SDK1: variants seen among roughly 807,000 people sequenced by gnomAD.
SDK1 encodes protein sidekick-1.
Under a neutral mutation model 245.5 loss-of-function variants are expected in SDK1, and 157 were observed. The observed-to-expected ratio is 0.64, with a 90% CI of 0.56 to 0.73. The LOEUF (loss-of-function observed/expected upper bound fraction) is 0.73, where lower values mean the gene tolerates loss of function less well. Among genes scored for constraint, SDK1 ranks in the 30% least tolerant of loss-of-function variants. The probability of loss-of-function intolerance (pLI) is 0.00; values close to 1 mark genes in which losing one functional copy is unlikely to be tolerated. For missense variants in SDK1, 3,583 were observed against 3,002.3 expected (o/e 1.19, Z -4.52); for synonymous variants, 1,647 against 1,278.5 (o/e 1.29, Z -6.15).
intron 1 of SDK1, among the ~76,000 whole-genome samples, chr7:3,309,237 G>GA (rs1418121125): frequency 6.6e-6 from 1 of 152,094 alleles, no homozygotes; most frequent in African/African-American, 2.4e-5. Context: ...CAAAAAGAAT[G>GA]AAAGAGATTT....
At position 3,946,913 on chromosome 7, in the gene SDK1, C is replaced by T. The variant is rs562651244; in HGVS notation, c.848-4010C>T. ...ATGCAGCCATTTTTGCCACTCACACCAGAGGCGTGCTTTTCTCTATTTAGC... is the reference window on the plus strand; with the variant it reads ...ATGCAGCCATTTTTGCCACTCACACTAGAGGCGTGCTTTTCTCTATTTAGC... On this transcript the variant is annotated intron_variant, in intron 5 of 44. Transcript: ENST00000404826. 1.1e-4 allele frequency among the ~76,000 whole-genome samples: 16 copies of T among 152,312 alleles called. No individual in the cohort carries two copies. In the South Asian group the frequency reaches 3.3e-3, roughly 32 times the overall value.
At chr7:4,180,391 ATGCCCAGCGCCT>A (rs1782531391) in intron 35 of SDK1, among the ~76,000 whole-genome samples, 1 of 148,922 alleles carries the variant, frequency 6.7e-6, no homozygotes, top group African/African-American at 2.5e-5. Context: ...CTCCAGCTCT[ATGCCCAGCGCCT>A]GGCTCCAGCT....
At chr7:3,371,295 A>C (rs1583758311) in intron 1 of SDK1, among the ~76,000 whole-genome samples, 2 of 152,108 alleles carry the variant, frequency 1.3e-5, no homozygotes, top group African/African-American at 4.8e-5. Context: ...GGAACATTAG[A>C]TCTAGATGGG....
At chr7:3,730,666 C>G (rs948303915) in intron 4 of SDK1, among the ~76,000 whole-genome samples, 2 of 152,106 alleles carry the variant, frequency 1.3e-5, no homozygotes, top group Non-Finnish European at 2.9e-5. Flanking sequence ...GGTTCCAGAT[C>G]TTAGATCAGT....
rs1788596119 is a variant in SDK1, at chr7:4,268,336, G to C, written c.*2952G>C. The stretch of plus-strand genomic sequence containing the variant: ...GAGATTCCAGGCAGGTGAGCCCAGA[G>C]AGAGCTGCCAGGCCACACCCCCTCG... On this transcript the variant is annotated 3_prime_UTR_variant, in exon 45 of 45. Transcript: ENST00000404826. 9.6e-7 allele frequency: 1 copy of C among 1,039,752 alleles called. No individual in the cohort carries two copies. The highest frequency in any genetic ancestry group is 1.2e-6 in the Non-Finnish European group (1 of 861,312). The allele number at this position is 1,039,752 out of a possible 1,614,324, so 64.4% of individuals were successfully genotyped here. A position where few individuals can be genotyped will look rare whatever the true frequency, so the allele number is the denominator to read the frequency against.
intron 1 of SDK1, among the ~76,000 whole-genome samples, chr7:3,421,939 G>A (rs537972658): frequency 2.0e-5 from 3 of 152,142 alleles, no homozygotes; most frequent in African/African-American, 7.2e-5. Context: ...GGAGGCTTAG[G>A]CGGGCATATA....
intron 22 of SDK1, among the ~76,000 whole-genome samples, chr7:4,089,843 T>C (rs1234747971): frequency 6.6e-6 from 1 of 152,214 alleles, no homozygotes; most frequent in East Asian, 1.9e-4. Context: ...TCATCCATGA[T>C]TTGCCCAGTT....
At chr7:3,794,407 G>T (rs1778911921) in intron 4 of SDK1, among the ~76,000 whole-genome samples, 1 of 152,192 alleles carries the variant, frequency 6.6e-6, no homozygotes, top group South Asian at 2.1e-4. Flanking sequence ...GCTGTGGTTT[G>T]AATGTTTATT....
intron 3 of SDK1, among the ~76,000 whole-genome samples, chr7:3,640,051 C>A (rs539093864): frequency 2.0e-5 from 3 of 151,970 alleles, no homozygotes; most frequent in Non-Finnish European, 4.4e-5. Context: ...GGGGAGGGAT[C>A]GCACTGCATT....
chr7:4,175,548 C>T (rs906556907), intron 33 of SDK1, among the ~76,000 whole-genome samples: 9 of 152,224 alleles, frequency 5.9e-5, no homozygotes, highest in Non-Finnish European at 1.2e-4. Flanking sequence ...CCCGCCTGTC[C>T]GGGACTGGGG....
At position 4,145,714 on chromosome 7, in the gene SDK1, G is replaced by A; in HGVS notation, c.4229-8G>A. 1.3e-6 allele frequency: 2 copies of A among 1,594,582 alleles called. No individual in the cohort carries two copies. The highest frequency in any genetic ancestry group is 4.5e-5 in the East Asian group (2 of 44,638). On this transcript the variant is annotated splice_region_variant and splice_polypyrimidine_tract_variant and intron_variant, in intron 28 of 44. Coordinates refer to ENST00000404826, the MANE Select transcript of SDK1 (RefSeq NM_152744.4). ...TCAGCAGCTGTCTCCCATGTCACCT[G>A]CCTGCAGGGTACCAGATTGCCTACC...
chr7:4,164,550 C>T (rs563544995), intron 32 of SDK1, among the ~76,000 whole-genome samples: 21 of 152,348 alleles, frequency 1.4e-4, no homozygotes, highest in Admixed American at 1.1e-3. Flanking sequence ...CACTTTGTAC[C>T]ATGCTGAATC....
At chr7:3,388,147 T>G (rs545402927) in intron 1 of SDK1, among the ~76,000 whole-genome samples, 70 of 152,290 alleles carry the variant, frequency 4.6e-4, no homozygotes, top group African/African-American at 1.7e-3. Flanking sequence ...GTGACCAGAG[T>G]AGCTTCTCTA....
intron 1 of SDK1, among the ~76,000 whole-genome samples, chr7:3,588,984 G>A (rs1429993200): frequency 6.6e-6 from 1 of 152,160 alleles, no homozygotes; most frequent in African/African-American, 2.4e-5. Context: ...ATCTTGACAT[G>A]GAGCAGTGAA....
chr7:3,890,871 G>T (rs188816503), intron 5 of SDK1, among the ~76,000 whole-genome samples: 1 of 152,166 alleles, frequency 6.6e-6, no homozygotes, highest in Admixed American at 6.5e-5. Context: ...GAACCCAGGA[G>T]GGGGAGGTTG....
At chr7:3,319,315 A>G (rs530501303) in intron 1 of SDK1, among the ~76,000 whole-genome samples, 5 of 152,236 alleles carry the variant, frequency 3.3e-5, no homozygotes, top group African/African-American at 1.2e-4. Flanking sequence ...TCATGCTTGT[A>G]GGAGTCAGGA....
At chr7:4,097,335 C>T (rs1261716601) in intron 22 of SDK1, among the ~76,000 whole-genome samples, 1 of 151,604 alleles carries the variant, frequency 6.6e-6, no homozygotes, top group Non-Finnish European at 1.5e-5. Flanking sequence ...TATGTGGTTA[C>T]CATCTTTGTC....
At chr7:4,099,820 G>C (rs968733864) in intron 22 of SDK1, among the ~76,000 whole-genome samples, 1 of 151,626 alleles carries the variant, frequency 6.6e-6, no homozygotes, top group African/African-American at 2.4e-5. Context: ...GGCCATGCTT[G>C]GGGGCTGGCT....
chr7:3,806,208 A>G (rs1015319021), intron 4 of SDK1, among the ~76,000 whole-genome samples: 4 of 152,154 alleles, frequency 2.6e-5, no homozygotes, highest in East Asian at 1.9e-4. Context: ...ATCCAAGACA[A>G]TCTTCCCATC....
Sources: gnomAD v4.1 joint callset for allele counts (sites outside exome capture counted in the v4.1 genomes callset) on GRCh38, gnomAD v4.1.1 for gene constraint, MANE v1.5 for transcripts, NCBI Gene and HGNC (gene_info 2026-07-23, HGNC 2026-07-21) for gene names.